Variants in SDK1 observed in about 807,000 individuals in gnomAD.
The protein encoded by SDK1 is protein sidekick-1.
A neutral mutation model predicts 245.5 loss-of-function variants in SDK1; 157 were observed. That is an observed-to-expected ratio of 0.64 (90% CI 0.56 to 0.73). The LOEUF (loss-of-function observed/expected upper bound fraction) is 0.73, where lower values mean the gene tolerates loss of function less well. SDK1 is among the 30% of genes least tolerant of loss of function. SDK1 has a pLI of 0.00. For missense variants in SDK1, 3,583 were observed against 3,002.3 expected (o/e 1.19, Z -4.52); for synonymous variants, 1,647 against 1,278.5 (o/e 1.29, Z -6.15).
chr7:3,630,060 G>C (rs1347137418), intron 2 of SDK1, among the ~76,000 whole-genome samples: 1 of 152,118 alleles, frequency 6.6e-6, no homozygotes, highest in African/African-American at 2.4e-5. Flanking sequence ...TAAAGCTATA[G>C]TGATAGAACT....
chr7:3,566,732 A>G (rs1304412725), intron 1 of SDK1, among the ~76,000 whole-genome samples: 1 of 152,150 alleles, frequency 6.6e-6, no homozygotes, highest in Non-Finnish European at 1.5e-5. Context: ...AAAAAAAAAA[A>G]AAAAAGTGAT....
rs1369883311 is a variant in SDK1, at chr7:3,779,324, T to TA, written c.714-42124dup. 2.0e-5 allele frequency among the ~76,000 whole-genome samples: 3 copies of TA among 152,152 alleles called. No homozygotes were observed. In the East Asian group the frequency reaches 5.8e-4, roughly 29 times the overall value. ...CAATAAATCCCCATTCTTGAGTGGA[T>TA]AAGAGCAAGGCAGCTCCGTCTTTTG... On this transcript the variant is annotated intron_variant, in intron 4 of 44. Transcript: ENST00000404826.
intron 43 of SDK1, 74 bp downstream of exon 43, chr7:4,241,987 C>A: frequency 6.5e-7 from 1 of 1,539,184 alleles, no homozygotes; most frequent in Non-Finnish European, 8.8e-7. Flanking sequence ...CCCACGCCCA[C>A]TGGCACCTCC....
In SDK1 at chr7:4,077,119, C is replaced by T. The variant is rs775327604; in HGVS notation, c.3132C>T (p.Asp1044=). Residue 1044 remains aspartate, a synonymous_variant, in exon 21 of 45, where the codon GAC becomes GAT. Coordinates refer to ENST00000404826, the MANE Select transcript of SDK1 (RefSeq NM_152744.4). Reference sequence around the variant, plus strand: ...CATCTCTCACCACCTACACCATCGACGTGGCCGCTGTGACTGCCGTGGGCA... The same window carrying T: ...CATCTCTCACCACCTACACCATCGATGTGGCCGCTGTGACTGCCGTGGGCA... ...GLSSLTTYTI[D]VAAVTAVGTG... 3.6e-5 allele frequency: 58 copies of T among 1,614,126 alleles called. No individual in the cohort carries two copies. The highest frequency in any genetic ancestry group is 8.8e-5 in the South Asian group (8 of 91,092).
At position 4,266,699 on chromosome 7, in the gene SDK1, G is replaced by C. The variant is rs1788491998; in HGVS notation, c.*1315G>C. On this transcript the variant is annotated 3_prime_UTR_variant, in exon 45 of 45. Coordinates refer to ENST00000404826, the MANE Select transcript of SDK1 (RefSeq NM_152744.4). Reference sequence around the variant, plus strand: ...GCCTCCAGCCCCTCACGTCATCTTTGCAACAGACGACTGGGCTGCCATGGT... The same window carrying C: ...GCCTCCAGCCCCTCACGTCATCTTTCCAACAGACGACTGGGCTGCCATGGT... 1 of 985,454 alleles carries C rather than the reference G, an allele frequency of 1.0e-6. No individual in the cohort carries two copies. Among genetic ancestry groups the C allele is most frequent in the African/African-American group, 1.7e-5 (1 of 57,356 alleles). The allele number at this position is 985,454 out of a possible 1,614,324, so 61.0% of individuals were successfully genotyped here. A position where few individuals can be genotyped will look rare whatever the true frequency, so the allele number is the denominator to read the frequency against.
At chr7:3,418,690 G>A (rs1471809025) in intron 1 of SDK1, among the ~76,000 whole-genome samples, 1 of 152,174 alleles carries the variant, frequency 6.6e-6, no homozygotes, top group Non-Finnish European at 1.5e-5. Flanking sequence ...TATTTTGGGA[G>A]GTGCCATGGG....
intron 4 of SDK1, among the ~76,000 whole-genome samples, chr7:3,738,574 A>G (rs2115049302): frequency 6.6e-6 from 1 of 152,330 alleles, no homozygotes; most frequent in Non-Finnish European, 1.5e-5. Flanking sequence ...GCAAAAGAAA[A>G]TGCCATTAGG....
intron 35 of SDK1, among the ~76,000 whole-genome samples, chr7:4,198,095 C>T (rs951081744): frequency 6.6e-6 from 1 of 152,180 alleles, no homozygotes; most frequent in East Asian, 1.9e-4. Flanking sequence ...TCACTGAGGG[C>T]GTGAAGCCAG....
In SDK1 at chr7:3,624,007, A is replaced by G. The variant is rs186975584; in HGVS notation, c.458+4768A>G. 1.6e-3 allele frequency among the ~76,000 whole-genome samples: 242 copies of G among 152,338 alleles called. 1 individual carries two copies. Among genetic ancestry groups the G allele is most frequent in the African/African-American group, 5.6e-3 (231 of 41,576 alleles). On this transcript the variant is annotated intron_variant, in intron 2 of 44. Transcript: ENST00000404826. ...AAAAGGCAAACATTTCACAGTATCA[A>G]TAAAAATTATGAAATACCTGGGAAT... is the stretch of plus-strand genomic sequence containing the variant.
chr7:3,553,587 C>A (rs1052384085), intron 1 of SDK1, among the ~76,000 whole-genome samples: 1 of 152,106 alleles, frequency 6.6e-6, no homozygotes, highest in African/African-American at 2.4e-5. Flanking sequence ...GAGGCTGCTT[C>A]CTTTTTTTAT....
intron 1 of SDK1, among the ~76,000 whole-genome samples, chr7:3,479,086 T>A (rs1781431207): frequency 6.6e-6 from 1 of 152,140 alleles, no homozygotes; most frequent in African/African-American, 2.4e-5. Flanking sequence ...GTCCAGTATG[T>A]GGTCACTTTT....
At chr7:3,582,931 G>T (rs1158770569) in intron 1 of SDK1, among the ~76,000 whole-genome samples, 2 of 152,076 alleles carry the variant, frequency 1.3e-5, no homozygotes, top group South Asian at 2.1e-4. Context: ...GGAAAAGGGG[G>T]GCAGATAACC....
chr7:3,471,530 A>G (rs1781181217), intron 1 of SDK1, among the ~76,000 whole-genome samples: 1 of 152,206 alleles, frequency 6.6e-6, no homozygotes, highest in Non-Finnish European at 1.5e-5. Flanking sequence ...AGTTAGCAAT[A>G]TGAGCCGTCA....
intron 1 of SDK1, among the ~76,000 whole-genome samples, chr7:3,440,100 T>C (rs1388976716): frequency 1.3e-5 from 2 of 152,190 alleles, no homozygotes; most frequent in African/African-American, 2.4e-5. Context: ...AAACATTAAA[T>C]GGAAATCCGG....
chr7:3,541,566 C>T (rs1389284241), intron 1 of SDK1, among the ~76,000 whole-genome samples: 1 of 152,190 alleles, frequency 6.6e-6, no homozygotes, highest in Non-Finnish European at 1.5e-5. Context: ...ACCTTCTTAC[C>T]ACTGTACCCA....
intron 32 of SDK1, among the ~76,000 whole-genome samples, chr7:4,167,870 G>A (rs1404973920): frequency 7.2e-5 from 11 of 152,236 alleles, no homozygotes; most frequent in Admixed American, 7.2e-4. Flanking sequence ...GGGAGTTTGA[G>A]CAGTCAGCCC....
chr7:3,548,999 T>C (rs1262367431), intron 1 of SDK1, among the ~76,000 whole-genome samples: 1 of 152,102 alleles, frequency 6.6e-6, no homozygotes, highest in East Asian at 1.9e-4. Flanking sequence ...TTGGCTGTGC[T>C]GGAGGTGAGG....
chr7:4,175,910 C>A, intron 34 of SDK1, 76 bp downstream of exon 34: 1 of 1,296,256 alleles, frequency 7.7e-7, no homozygotes, highest in Non-Finnish European at 1.1e-6. Context: ...TCTCTCAGTG[C>A]AAGGGAAAAC....
At chr7:3,915,655 C>G (rs542178375) in intron 5 of SDK1, among the ~76,000 whole-genome samples, 3 of 152,236 alleles carry the variant, frequency 2.0e-5, no homozygotes, top group South Asian at 4.1e-4. Context: ...ATGGGTGTGT[C>G]TTTATTAGCA....
Sources: gnomAD v4.1 joint callset for allele counts (sites outside exome capture counted in the v4.1 genomes callset) on GRCh38, gnomAD v4.1.1 for gene constraint, MANE v1.5 for transcripts, NCBI Gene and HGNC (gene_info 2026-07-23, HGNC 2026-07-21) for gene names.